Variants in ALDH3B2 observed in about 807,000 individuals in gnomAD.
ALDH3B2 encodes aldehyde dehydrogenase 3 family member B2, also known as aldehyde dehydrogenase family 3 member B2.
In ALDH3B2, 45 loss-of-function variants were observed where a neutral mutation model predicts 36.7. The observed-to-expected ratio is 1.23, with a 90% CI of 0.97 to 1.57. The LOEUF (loss-of-function observed/expected upper bound fraction) is 1.57. Among genes scored for constraint, ALDH3B2 ranks in the 40% most tolerant of loss-of-function variants. The probability of loss-of-function intolerance (pLI) is 0.00; values close to 1 mark genes in which losing one functional copy is unlikely to be tolerated. For synonymous variants in ALDH3B2, 217 were observed against 226.5 expected, an observed-to-expected ratio of 0.96 and a Z score of 0.38; for missense variants, 464 against 513.3, an observed-to-expected ratio of 0.90 and a Z score of 0.93.
exon 7 of ALDH3B2, chr11:67,665,587 G>C (rs549430880): frequency 6.2e-7 from 1 of 1,614,098 alleles, no homozygotes; most frequent in Non-Finnish European, 8.5e-7. Flanking sequence ...CACGTAGCAG[G>C]GGTTCTTGCC....
exon 5 of ALDH3B2, chr11:67,666,329 T>C (rs1184763107): frequency 1.2e-6 from 2 of 1,607,106 alleles, no homozygotes; most frequent in East Asian, 2.2e-5. Context: ...GTCCAGGTAC[T>C]GGGGCAGCAC....
At chr11:67,666,657 G>C (rs760583105) in exon 4 of ALDH3B2, 1 of 1,614,166 alleles carries the variant, frequency 6.2e-7, no homozygotes, top group Non-Finnish European at 8.5e-7. Flanking sequence ...CAGGCCAAAG[G>C]GTTCCTTCCA....
intron 1 of ALDH3B2, among the ~76,000 whole-genome samples, chr11:67,673,582 A>T (rs80063798): frequency 9.9e-5 from 15 of 152,152 alleles, no homozygotes; most frequent in Non-Finnish European, 2.2e-4. Context: ...AGGAAGGTGG[A>T]GGCCTGATGG....
At chr11:67,664,124 C>T in intron 8 of ALDH3B2, 1 of 589,298 alleles carries the variant, frequency 1.7e-6, no homozygotes. Context: ...TTCCGGGCCT[C>T]TGCTTGCCTG....
exon 10 of ALDH3B2, chr11:67,663,093 G>T: frequency 8.2e-7 from 1 of 1,219,228 alleles, no homozygotes; most frequent in Non-Finnish European, 1.1e-6. Flanking sequence ...TCATGTGACA[G>T]CTCCAGCAAC....
At chr11:67,670,390 A>C (rs1353121758) in intron 1 of ALDH3B2, among the ~76,000 whole-genome samples, 1 of 151,772 alleles carries the variant, frequency 6.6e-6, no homozygotes, top group Non-Finnish European at 1.5e-5. Flanking sequence ...TGTGGACTTG[A>C]GTAATCTCAG....
chr11:67,665,209 T>G (rs1241293488), intron 7 of ALDH3B2, 76 bp downstream of exon 7: 10 of 1,525,634 alleles, frequency 6.6e-6, no homozygotes, highest in Non-Finnish European at 8.8e-6. Flanking sequence ...GAGTCCAGAC[T>G]CGTGGCCCAG....
intron 1 of ALDH3B2, among the ~76,000 whole-genome samples, chr11:67,672,430 G>C (rs910116056): frequency 2.6e-5 from 4 of 151,766 alleles, no homozygotes; most frequent in Non-Finnish European, 5.9e-5. Context: ...TAGGATTACA[G>C]GCGTGAGCCA....
chr11:67,672,120 G>GTATGTATTT (rs59765121), intron 1 of ALDH3B2, among the ~76,000 whole-genome samples: 15 of 108,104 alleles, frequency 1.4e-4, no homozygotes, highest in African/African-American at 5.1e-4. Flanking sequence ...GTGTGTGTGT[G>GTATGTATTT]TGTGTGTGTG....
chr11:67,666,715 TGAGGCCCTGCCAAGGGCCACCCCAAA>T (rs1300998897), intron 3 of ALDH3B2, 21 bp from the exon 4 acceptor site: 7 of 1,613,602 alleles, frequency 4.3e-6, no homozygotes, highest in African/African-American at 1.3e-5. Context: ...GGGTAGACAG[TGAGGCCCTGCCAAGGGCCACCCCAAA>T]GCCCACCCAC....
upstream of ALDH3B2, among the ~76,000 whole-genome samples, chr11:67,676,773 A>G (rs548971152): frequency 7.2e-5 from 11 of 152,330 alleles, no homozygotes; most frequent in South Asian, 8.3e-4. Flanking sequence ...AGGAGATATT[A>G]CAACTGACAC....
At chr11:67,665,703 C>T (rs372175374) in intron 6 of ALDH3B2, 32 bp from the exon 7 acceptor site, 4 of 1,579,120 alleles carry the variant, frequency 2.5e-6, no homozygotes, top group Non-Finnish European at 3.4e-6. Flanking sequence ...AGTGGCCAGT[C>T]AGTGACCTGG....
chr11:67,665,981 G>T, intron 6 of ALDH3B2, 141 bp downstream of exon 6: 1 of 1,175,908 alleles, frequency 8.5e-7, no homozygotes, highest in Admixed American at 2.0e-5. Context: ...CGTGGCCTAT[G>T]CAGGCAGACG....
intron 1 of ALDH3B2, among the ~76,000 whole-genome samples, chr11:67,671,990 C>T (rs1449253252): frequency 6.9e-6 from 1 of 145,200 alleles, no homozygotes; most frequent in Non-Finnish European, 1.5e-5. Context: ...ACCCTCACCC[C>T]CACCCCCTGC....
chr11:67,680,970 C>T (rs1856357776), intron 1 of ALDH3B2, among the ~76,000 whole-genome samples: 1 of 152,152 alleles, frequency 6.6e-6, no homozygotes, highest in Non-Finnish European at 1.5e-5. Context: ...TAGCTCAGAT[C>T]CTCCAAATCA....
intron 1 of ALDH3B2, among the ~76,000 whole-genome samples, chr11:67,672,095 A>T (rs1290383890): frequency 1.2e-5 from 1 of 81,516 alleles, no homozygotes; most frequent in Admixed American, 1.4e-4. Context: ...ATATGTATGT[A>T]TGTATTTTGT....
chr11:67,666,508 TCC>T, intron 4 of ALDH3B2, 64 bp downstream of exon 4: 1 of 1,608,668 alleles, frequency 6.2e-7, no homozygotes, highest in East Asian at 2.2e-5. Context: ...AGAGCAAGAT[TCC>T]AGGGGCCTCT....
At chr11:67,663,147 G>T in exon 10 of ALDH3B2, 1 of 1,500,624 alleles carries the variant, frequency 6.7e-7, no homozygotes, top group Non-Finnish European at 9.0e-7. Context: ...AATGTGAGTT[G>T]GGAGCATAAG....
At position 67,665,772 on chromosome 11, in the gene ALDH3B2, C is replaced by T. The variant is rs80067166; in HGVS notation, c.320-101G>A. The stretch of plus-strand genomic sequence containing the variant: ...CTCCCTGGAGAGGTGTTGGAGTCGG[C>T]GGGCTTCCTAGGGACATGGTGAGGA... On this transcript the variant is annotated intron_variant, in intron 6 of 9. Coordinates refer to ENST00000349015, the Ensembl canonical transcript of ALDH3B2. 7.8e-4 allele frequency: 1,165 copies of T among 1,494,588 alleles called. 10 individuals are homozygous for T. The East Asian group carries it at 0.013, about 17-fold the overall frequency. The allele number at this position is 1,494,588 out of a possible 1,614,324, so 92.6% of individuals were successfully genotyped here.
Sources: allele counts gnomAD v4.1 joint callset (sites outside exome capture counted in the v4.1 genomes callset), GRCh38; gene constraint gnomAD v4.1.1; transcripts MANE v1.5; gene names NCBI Gene and HGNC (gene_info 2026-07-23, HGNC 2026-07-21).